The following F5 variants were observed in gnomAD, a reference collection of about 807,000 sequenced individuals.
The protein encoded by F5 is activated protein c cofactor.
A neutral mutation model predicts 216.4 loss-of-function variants in F5; 138 were observed. That is an observed-to-expected ratio of 0.64 (90% CI 0.56 to 0.73). The LOEUF (loss-of-function observed/expected upper bound fraction) is 0.73. Ranked by LOEUF, F5 falls within the 30% of genes least tolerant of loss-of-function variation. The pLI, the probability that F5 is intolerant of heterozygous loss-of-function variation, is 0.00. For missense variants in F5, 2,403 were observed against 2,674.0 expected (o/e 0.90, Z 2.24); for synonymous variants, 916 against 930.7 (o/e 0.98, Z 0.29).
chr1:169,563,445 A>G (rs74443587), intron 3 of F5, among the ~76,000 whole-genome samples: 8,699 of 152,138 alleles, frequency 0.057, 341 homozygotes, highest in Middle Eastern at 0.12. Context: ...ATCCAATTAC[A>G]CATATGTTAG....
intron 1 of F5, among the ~76,000 whole-genome samples, chr1:169,584,159 C>T (rs1661049046): frequency 6.6e-6 from 1 of 152,122 alleles, no homozygotes; most frequent in Non-Finnish European, 1.5e-5. Flanking sequence ...AAATATCAGT[C>T]TCTTACGTGG....
At chr1:169,514,528 T>G (rs1659114241) in intron 24 of F5, 69 bp from the exon 25 acceptor site, 10 of 1,405,516 alleles carry the variant, frequency 7.1e-6, no homozygotes, top group Non-Finnish European at 9.0e-6. Context: ...TTTTGTTTTT[T>G]TTTAGACAGG....
In F5 at chr1:169,572,273, A is replaced by T; in HGVS notation, c.321T>A (p.Asp107Glu). ...CTTGAGGATGGATGCTCAAGGGCTT[A>T]TCTGCCTTATTTTTAAAGTGAACTT... ...IIKVHFKNKA[D>E]KPLSIHPQGI... Residue 107 changes from aspartate (D) to glutamate (E), a missense_variant, in exon 3 of 25, where the codon GAT becomes GAA. Physicochemically the swap from Asp to Glu is conservative, Grantham distance 45. Coordinates refer to ENST00000367797, the MANE Select transcript of F5 (RefSeq NM_000130.5). The T allele has an allele frequency of 6.2e-7, 1 of 1,613,342 alleles. No homozygotes were observed. The highest frequency in any genetic ancestry group is 8.5e-7 in the Non-Finnish European group (1 of 1,179,640).
Position 169,515,544 on chromosome 1 carries a change from G to T in F5, c.6428C>A (p.Ser2143Tyr). 1 of 1,613,584 alleles carries T rather than the reference G, an allele frequency of 6.2e-7. No individual in the cohort carries two copies. Among genetic ancestry groups the T allele is most frequent in the Non-Finnish European group, 8.5e-7 (1 of 1,179,692 alleles). The change falls in exon 24 of 25, where the codon TCT becomes TAT. Residue 2143 changes from serine (S) to tyrosine (Y), a missense_variant. Ser to Tyr is a moderately radical substitution (Grantham distance 144). Coordinates refer to ENST00000367797, the MANE Select transcript of F5 (RefSeq NM_000130.5). ...CTTTACATACATTTCAGAGGACAGA[G>T]ACTTGCAGCCCTGTGTTATAATTGC... ...ITAIITQGCK[S>Y]LSSEMYVKSY...
chr1:169,561,512 T>A (rs1409378153), intron 3 of F5, among the ~76,000 whole-genome samples: 3 of 152,070 alleles, frequency 2.0e-5, no homozygotes, highest in African/African-American at 7.2e-5. Context: ...ATACTCAATA[T>A]TAAAAGAAGT....
intron 3 of F5, among the ~76,000 whole-genome samples, chr1:169,562,561 C>G (rs1660506960): frequency 6.6e-6 from 1 of 151,688 alleles, no homozygotes; most frequent in Admixed American, 6.6e-5. Flanking sequence ...CCCTTCCTTT[C>G]TGTTTTCTTT....
At chr1:169,530,629 T>C (rs569536779) in intron 15 of F5, among the ~76,000 whole-genome samples, 157 bp downstream of exon 15, 1 of 152,344 alleles carries the variant, frequency 6.6e-6, no homozygotes, top group Admixed American at 6.5e-5. Context: ...GGAGAGTCCC[T>C]GGTTATGATA....
At chr1:169,581,090 G>A (rs1032694426) in intron 2 of F5, among the ~76,000 whole-genome samples, 10 of 152,136 alleles carry the variant, frequency 6.6e-5, no homozygotes, top group Non-Finnish European at 1.3e-4. Flanking sequence ...TTGGTTTTGG[G>A]TGAGATTCGA....
chr1:169,539,350 T>C (rs1356275722), intron 13 of F5, among the ~76,000 whole-genome samples: 1 of 152,098 alleles, frequency 6.6e-6, no homozygotes, highest in Non-Finnish European at 1.5e-5. Flanking sequence ...GCCATAAAAG[T>C]GGGTTGTGAG....
At chr1:169,574,895 A>G (rs1660808296) in intron 2 of F5, among the ~76,000 whole-genome samples, 1 of 152,210 alleles carries the variant, frequency 6.6e-6, no homozygotes, top group Non-Finnish European at 1.5e-5. Flanking sequence ...CCTAGGCATC[A>G]GAATTGCAAT....
chr1:169,523,328 T>C lies in F5; in HGVS notation c.5917A>G (p.Ile1973Val), dbSNP rs772796005. 6 of 1,614,070 alleles carry C rather than the reference T, an allele frequency of 3.7e-6. No individual in the cohort carries two copies. Among genetic ancestry groups the C allele is most frequent in the Non-Finnish European group, 5.1e-6 (6 of 1,179,972 alleles). Residue 1973 changes from isoleucine (I) to valine (V), a missense_variant, in exon 21 of 25, where the codon ATC becomes GTC. Physicochemically the swap from Ile to Val is conservative, Grantham distance 29. This residue lies in a region of F5 where 659 missense variants were observed against 787.9 expected (regional missense o/e 0.84). Coordinates refer to ENST00000367797, the MANE Select transcript of F5 (RefSeq NM_000130.5). ...IQVDMQKEVI[I>V]TGIQTQGAKH... is the part of the protein sequence containing the mutation. Reference sequence around the variant, plus strand: ...GCACCTTGGGTCTGGATCCCTGTGATTATGACTTCCTTTTGCATGTCCACC... The same window carrying C: ...GCACCTTGGGTCTGGATCCCTGTGACTATGACTTCCTTTTGCATGTCCACC...
In F5 at chr1:169,539,389, TG is replaced by T. The variant is rs201349720; in HGVS notation, c.4796+904del. On this transcript the variant is annotated intron_variant, in intron 13 of 24. Transcript: ENST00000367797. ...TGAATGGAATACAAGATTTTGAAGG[TG>T]GTTCCATCCCTATTCACTCTGGACA... 8.8e-3 allele frequency among the ~76,000 whole-genome samples: 1,339 copies of T among 152,250 alleles called. 28 individuals carry two copies. The highest frequency in any genetic ancestry group is 0.031 in the African/African-American group (1,274 of 41,542).
rs9332637 is a variant in F5, at chr1:169,525,758, G to T, written c.5716+143C>A. ...TTTCAATGCAATCAGACCATGGGCC[G>T]GAATAAAAGCAATTATGGCTACAAA... On this transcript the variant is annotated intron_variant, in intron 18 of 24. Coordinates refer to ENST00000367797, the MANE Select transcript of F5 (RefSeq NM_000130.5). The T allele has an allele frequency of 2.6e-5, 19 of 722,614 alleles. 1 individual carries two copies. In the East Asian group the frequency reaches 3.2e-4, roughly 12 times the overall value. The allele number at this position is 722,614 out of a possible 1,614,324, so 44.8% of individuals were successfully genotyped here.
chr1:169,552,839 T>C, intron 7 of F5, 105 bp from the exon 8 acceptor site: 1 of 827,338 alleles, frequency 1.2e-6, no homozygotes, highest in Non-Finnish European at 2.0e-6. Context: ...TTAGCTAACA[T>C]ACTAGTTCTC....
rs1180688848 is a variant in F5 at position 169,515,544 on chromosome 1, G to A, written c.6428C>T (p.Ser2143Phe). The stretch of plus-strand genomic sequence containing the variant: ...CTTTACATACATTTCAGAGGACAGA[G>A]ACTTGCAGCCCTGTGTTATAATTGC... ...ITAIITQGCK[S>F]LSSEMYVKSY... Residue 2143 changes from serine to phenylalanine, a missense_variant, in exon 24 of 25, where the codon TCT (serine) becomes TTT (phenylalanine). Around this residue, in one of 4 missense-constraint regions of F5, gnomAD observed 659 missense variants for 787.9 expected, o/e 0.84. Transcript: ENST00000367797. 6.2e-7 allele frequency: 1 copy of A among 1,613,466 alleles called. No individual in the cohort carries two copies. The highest frequency in any genetic ancestry group is 8.5e-7 in the Non-Finnish European group (1 of 1,179,700).
intron 17 of F5, among the ~76,000 whole-genome samples, chr1:169,526,738 A>G (rs1204337221): frequency 6.6e-6 from 1 of 152,120 alleles, no homozygotes; most frequent in Non-Finnish European, 1.5e-5. Flanking sequence ...ACACCAGCCA[A>G]TCCTAGCTTC....
At position 169,542,890 on chromosome 1, in the gene F5, A is replaced by G. The variant is rs1433845588; in HGVS notation, c.2200T>C (p.Leu734=). 1 of 1,614,110 alleles carries G rather than the reference A, an allele frequency of 6.2e-7. No homozygotes were observed. The highest frequency in any genetic ancestry group is 8.5e-7 in the Non-Finnish European group (1 of 1,179,972). Reference sequence around the variant, plus strand: ...GAGTTTCGGAATGACCTGATTCCTAATGCTGCAGCCAGTCTGTTCTGGTAA... The same window carrying G: ...GAGTTTCGGAATGACCTGATTCCTAGTGCTGCAGCCAGTCTGTTCTGGTAA... ...YDYQNRLAAA[L]GIRSFRNSSL... is the part of the protein sequence containing the mutation. The change falls in exon 13 of 25, where the codon TTA becomes CTA. Residue 734 remains leucine, a synonymous_variant. Transcript: ENST00000367797.
intron 6 of F5, 83 bp from the exon 7 acceptor site, chr1:169,555,430 G>A (rs950392629): frequency 1.4e-6 from 2 of 1,381,592 alleles, no homozygotes; most frequent in African/African-American, 2.9e-5. Flanking sequence ...AAATCAACTT[G>A]TGGAAGGTTT....
chr1:169,551,993 C>T (rs545218049), intron 8 of F5, among the ~76,000 whole-genome samples: 2 of 152,206 alleles, frequency 1.3e-5, no homozygotes, highest in South Asian at 2.1e-4. Context: ...TATATCTTAG[C>T]TATAATGAGA....
Sources: allele counts gnomAD v4.1 joint callset (sites outside exome capture counted in the v4.1 genomes callset), GRCh38; gene constraint gnomAD v4.1.1; regional missense constraint gnomAD v4.1.1; transcripts MANE v1.5; gene names NCBI Gene and HGNC (gene_info 2026-07-23, HGNC 2026-07-21).